Variants in OR2M4 observed in about 807,000 individuals in gnomAD.
The protein encoded by OR2M4 is olfactory receptor family 2 subfamily M member 4, also known as olfactory receptor 2M4.
A neutral mutation model predicts 13.7 loss-of-function variants in OR2M4; 8 were observed. The ratio of observed to expected loss-of-function variants is 0.58; its 90% CI spans 0.34 to 1.05. OR2M4 has a LOEUF of 1.05. Among genes scored for constraint, OR2M4 ranks in the 50% least tolerant of loss-of-function variants. OR2M4 has a pLI of 0.02. For missense variants in OR2M4, 374 were observed against 381.6 expected (o/e 0.98, Z 0.17); for synonymous variants, 152 against 141.3 (o/e 1.08, Z -0.53).
At chr1:248,233,177 A>G (rs1666520904) in intron 1 of OR2M4, among the ~76,000 whole-genome samples, 1 of 152,140 alleles carries the variant, frequency 6.6e-6, no homozygotes, top group Admixed American at 6.5e-5. Context: ...AAGTTCATTT[A>G]GAGTACCAAG....
intron 1 of OR2M4, among the ~76,000 whole-genome samples, chr1:248,237,478 A>T (rs928670631): frequency 6.6e-6 from 1 of 152,050 alleles, no homozygotes; most frequent in Admixed American, 6.6e-5. Flanking sequence ...ACATGGTGTA[A>T]CCCTATCTCT....
chr1:248,237,300 A>C (rs76266088), intron 1 of OR2M4, among the ~76,000 whole-genome samples: 5,126 of 152,230 alleles, frequency 0.034, 244 homozygotes, highest in African/African-American at 0.11. Context: ...CAACAACCAC[A>C]TGATTATCTC....
chr1:248,241,031 A>C lies in OR2M4; in HGVS notation c.*1167A>C. 1 of 152,240 alleles carries C rather than the reference A, an allele frequency of 6.6e-6. No homozygotes were observed. Among genetic ancestry groups the C allele is most frequent in the East Asian group, 1.9e-4 (1 of 5,198 alleles). The allele number at this position is 152,240 out of a possible 1,614,324, so 9.4% of individuals were successfully genotyped here. A position where few individuals can be genotyped will look rare whatever the true frequency, so the allele number is the denominator to read the frequency against. ...GAGGGCTAAAATGCGCTGAGGCTCT[A>C]AGTAAACTTAAAAGGCGGTCTATGC... On this transcript the variant is annotated 3_prime_UTR_variant, in exon 2 of 2. Coordinates refer to ENST00000641868, the MANE Select transcript of OR2M4 (RefSeq NM_017504.2).
chr1:248,235,354 G>T (rs1484586206), intron 1 of OR2M4, among the ~76,000 whole-genome samples: 1 of 152,082 alleles, frequency 6.6e-6, no homozygotes, highest in Non-Finnish European at 1.5e-5. Flanking sequence ...ATTCTGTTCT[G>T]TTGGTCTATG....
rs1666605531 is a variant in OR2M4, at chr1:248,240,279, C to G, written c.*415C>G. 6.5e-6 allele frequency: 1 copy of G among 153,904 alleles called. No homozygotes were observed. The highest frequency in any genetic ancestry group is 1.4e-5 in the Non-Finnish European group (1 of 69,376). 9.5% of individuals were successfully genotyped at this position (153,904 alleles called of 1,614,324 possible). A position where few individuals can be genotyped will look rare whatever the true frequency, so the allele number is the denominator to read the frequency against. On this transcript the variant is annotated 3_prime_UTR_variant, in exon 2 of 2. Coordinates refer to ENST00000641868, the MANE Select transcript of OR2M4 (RefSeq NM_017504.2). ...TTTTTAATTTGCCCATCCTCAAACC[C>G]AAGAATGACTATTTTAATACTGATT...
Position 248,239,777 on chromosome 1 carries a change from T to C in OR2M4, c.849T>C (p.Pro283=). Residue 283 remains proline (P), a synonymous_variant, in exon 2 of 2, where the codon CCT becomes CCC. Coordinates refer to ENST00000641868, the MANE Select transcript of OR2M4 (RefSeq NM_017504.2). ...MVSAFYTILT[P]MLNPLIYSLR... ...CGGCCTTCTACACTATTCTCACCCC[T>C]ATGCTGAACCCTCTCATTTATAGCC... The C allele has an allele frequency of 4.3e-6, 7 of 1,614,140 alleles. No homozygotes were observed. Among genetic ancestry groups the C allele is most frequent in the Non-Finnish European group, 5.9e-6 (7 of 1,180,010 alleles).
At chr1:248,235,246 A>G (rs943519033) in intron 1 of OR2M4, among the ~76,000 whole-genome samples, 1 of 152,090 alleles carries the variant, frequency 6.6e-6, no homozygotes, top group Non-Finnish European at 1.5e-5. Context: ...TCCCAGCACC[A>G]TTTACTAAAT....
intron 1 of OR2M4, among the ~76,000 whole-genome samples, chr1:248,236,756 A>T (rs987133857): frequency 6.6e-6 from 1 of 152,156 alleles, no homozygotes; most frequent in Admixed American, 6.5e-5. Context: ...CCACAGAAAT[A>T]CAAACTACCA....
chr1:248,234,613 C>T lies in OR2M4; in HGVS notation c.-20+3033C>T, dbSNP rs116434970. On this transcript the variant is annotated intron_variant, in intron 1 of 1. Transcript: ENST00000641868. ...GCCCTGATGAATTATTCTTAGAAAA[C>T]TGAAACACCTTCATTCATGTCCCTG... Among the ~76,000 whole-genome samples, 995 of 151,534 alleles carry T rather than the reference C, an allele frequency of 6.6e-3. 18 individuals are homozygous for T. The highest frequency in any genetic ancestry group is 0.023 in the African/African-American group (952 of 41,314).
chr1:248,239,126 G>A lies in OR2M4; in HGVS notation c.198G>A (p.Leu66=). The A allele has an allele frequency of 2.5e-6, 4 of 1,613,916 alleles. No individual in the cohort carries two copies. In the South Asian group the frequency reaches 3.3e-5, roughly 13 times the overall value. ...CCATGTACTTCCTCCTCAGTCAACT[G>A]TCCCTTATGGACCTCATGCTCATCT... ...HTPMYFLLSQ[L]SLMDLMLICT... Residue 66 remains leucine, a synonymous_variant, in exon 2 of 2, where the codon CTG becomes CTA. Coordinates refer to ENST00000641868, the MANE Select transcript of OR2M4 (RefSeq NM_017504.2).
intron 1 of OR2M4, 46 bp from the exon 2 acceptor site, chr1:248,238,864 A>C: frequency 1.6e-6 from 2 of 1,272,282 alleles, no homozygotes; most frequent in Non-Finnish European, 2.2e-6. Flanking sequence ...TATGTGTTTG[A>C]AAACTGAATT....
intron 1 of OR2M4, among the ~76,000 whole-genome samples, chr1:248,235,695 C>T (rs1286146629): frequency 1.3e-5 from 2 of 152,062 alleles, no homozygotes; most frequent in Admixed American, 6.5e-5. Context: ...GTTTGCAGTT[C>T]TCTTTGAAGG....
rs1354760510 is a variant in OR2M4, at chr1:248,239,773, C to T, written c.845C>T (p.Thr282Ile). The stretch of plus-strand genomic sequence containing the variant: ...GTGTCGGCCTTCTACACTATTCTCA[C>T]CCCTATGCTGAACCCTCTCATTTAT... Reference protein sequence around the residue: ...KMVSAFYTILTPMLNPLIYSL... With the variant: ...KMVSAFYTILIPMLNPLIYSL... The change falls in exon 2 of 2, where the codon ACC (threonine) becomes ATC (isoleucine). Residue 282 changes from threonine (T) to isoleucine (I), a missense_variant. Transcript: ENST00000641868. 6.2e-7 allele frequency: 1 copy of T among 1,614,112 alleles called. No individual in the cohort carries two copies.
In OR2M4 at chr1:248,241,565, A is replaced by C. The variant is rs958036890; in HGVS notation, c.*1701A>C. ...GTGCTAGCAAATTTTAAAAATTAAAACAAAGGCTAATTTTATCCTTAAAAA... is the reference window on the plus strand; with the variant it reads ...GTGCTAGCAAATTTTAAAAATTAAACCAAAGGCTAATTTTATCCTTAAAAA... On this transcript the variant is annotated 3_prime_UTR_variant, in exon 2 of 2. Transcript: ENST00000641868. 2.6e-5 allele frequency: 4 copies of C among 152,280 alleles called. No homozygotes were observed. In the East Asian group the frequency reaches 5.8e-4, roughly 22 times the overall value. 9.4% of individuals were successfully genotyped at this position (152,280 alleles called of 1,614,324 possible).
In OR2M4 at chr1:248,239,845, A is replaced by T. The variant is rs1666600534; in HGVS notation, c.917A>T (p.Lys306Met). 1 of 1,597,170 alleles carries T rather than the reference A, an allele frequency of 6.3e-7. No individual in the cohort carries two copies. Among genetic ancestry groups the T allele is most frequent in the Non-Finnish European group, 8.5e-7 (1 of 1,173,448 alleles). Residue 306 changes from lysine to methionine, a missense_variant, in exon 2 of 2, where the codon AAG becomes ATG. Physicochemically the swap from Lys to Met is moderately conservative, Grantham distance 95 (BLOSUM62 -1). Coordinates refer to ENST00000641868, the MANE Select transcript of OR2M4 (RefSeq NM_017504.2). ...EVFRALQKVLKKRKLI is the reference protein window; with the variant it reads ...EVFRALQKVLMKRKLI The stretch of plus-strand genomic sequence containing the variant: ...TTCAGGGCACTACAGAAGGTACTGA[A>T]GAAAAGAAAGTTAATATGACCTTAT...
intron 1 of OR2M4, among the ~76,000 whole-genome samples, chr1:248,237,215 C>A (rs548782959): frequency 6.6e-6 from 1 of 152,078 alleles, no homozygotes; most frequent in Non-Finnish European, 1.5e-5. Flanking sequence ...TTATCTACCA[C>A]GATCAAGTCA....
Position 248,243,350 on chromosome 1 carries a change from C to CT in OR2M4, c.*3488dup, listed in dbSNP as rs1413033227. On this transcript the variant is annotated 3_prime_UTR_variant, in exon 2 of 2. Transcript: ENST00000641868. Reference sequence around the variant, plus strand: ...CCGTAGAGAGGCTCTTGATCGGCCACTTGGCTCTTTCGTGTTTCCTGGCAT... The same window carrying CT: ...CCGTAGAGAGGCTCTTGATCGGCCACTTTGGCTCTTTCGTGTTTCCTGGCAT... 2 of 152,156 alleles carry CT rather than the reference C, an allele frequency of 1.3e-5. No individual in the cohort carries two copies. The highest frequency in any genetic ancestry group is 2.9e-5 in the Non-Finnish European group (2 of 68,040). The allele number at this position is 152,156 out of a possible 1,614,324, so 9.4% of individuals were successfully genotyped here. A position where few individuals can be genotyped will look rare whatever the true frequency, so the allele number is the denominator to read the frequency against.
Position 248,242,690 on chromosome 1 carries a change from C to T in OR2M4, c.*2826C>T, listed in dbSNP as rs1303078839. On this transcript the variant is annotated 3_prime_UTR_variant, in exon 2 of 2. Coordinates refer to ENST00000641868, the MANE Select transcript of OR2M4 (RefSeq NM_017504.2). ...TTACATTTTGTCAGCAACATCACAC[C>T]TTATGTGAAACAGGTAAATTTAGAA... The T allele has an allele frequency of 6.6e-6, 1 of 151,984 alleles. No individual in the cohort carries two copies. Among genetic ancestry groups the T allele is most frequent in the Non-Finnish European group, 1.5e-5 (1 of 68,004 alleles). The allele number at this position is 151,984 out of a possible 1,614,324, so 9.4% of individuals were successfully genotyped here.
Position 248,239,196 on chromosome 1 carries a change from A to G in OR2M4, c.268A>G (p.Lys90Glu). The G allele has an allele frequency of 6.2e-7, 1 of 1,614,176 alleles. No homozygotes were observed. ...GATCTTCAGCTACTTGTCTGGGAAG[A>G]AATCTATCTCTCTGGCAGGTTGTGG... is the stretch of plus-strand genomic sequence containing the variant. ...KMIFSYLSGK[K>E]SISLAGCGTQ... Residue 90 changes from lysine (K) to glutamate (E), a missense_variant, in exon 2 of 2, where the codon AAA (lysine) becomes GAA (glutamate). Physicochemically the swap from Lys to Glu is moderately conservative, Grantham distance 56 (BLOSUM62 1). Transcript: ENST00000641868.
Sources: allele counts gnomAD v4.1 joint callset (sites outside exome capture counted in the v4.1 genomes callset), GRCh38; gene constraint gnomAD v4.1.1; transcripts MANE v1.5; gene names NCBI Gene and HGNC (gene_info 2026-07-23, HGNC 2026-07-21).